The following EBF2 variants were observed in gnomAD, a reference collection of about 807,000 sequenced individuals.
EBF2 encodes transcription factor COE2.
A neutral mutation model predicts 72.8 loss-of-function variants in EBF2; 21 were observed. The ratio of observed to expected loss-of-function variants is 0.29; its 90% CI spans 0.20 to 0.42. The LOEUF is 0.42. Among genes scored for constraint, EBF2 ranks in the 10% least tolerant of loss-of-function variants. The pLI is 1.00. For synonymous variants in EBF2, 299 were observed against 274.2 expected (o/e 1.09, Z -0.89); for missense variants, 637 against 731.2 (o/e 0.87, Z 1.49).
chr8:26,040,858 A>T, intron 3 of EBF2, 81 bp downstream of exon 3: 1 of 1,588,452 alleles, frequency 6.3e-7, no homozygotes, highest in South Asian at 1.1e-5. Flanking sequence ...GATCCCTGAG[A>T]GTGATCATGG....
intron 6 of EBF2, among the ~76,000 whole-genome samples, chr8:25,927,600 G>C (rs181688239): frequency 8.5e-5 from 13 of 152,160 alleles, no homozygotes; most frequent in African/African-American, 2.9e-4. Flanking sequence ...GGCAACTCCT[G>C]CTGGAGTTCC....
intron 6 of EBF2, among the ~76,000 whole-genome samples, chr8:25,959,756 C>A (rs1273786706): frequency 6.6e-6 from 1 of 152,108 alleles, no homozygotes; most frequent in African/African-American, 2.4e-5. Flanking sequence ...GGTTTCATTG[C>A]CTAGAATTAC....
intron 6 of EBF2, among the ~76,000 whole-genome samples, chr8:25,923,600 T>C (rs1313243734): frequency 6.6e-6 from 1 of 152,216 alleles, no homozygotes; most frequent in Admixed American, 6.5e-5. Flanking sequence ...TTGTTGTTTG[T>C]TTTGCAATAC....
intron 14 of EBF2, among the ~76,000 whole-genome samples, chr8:25,851,422 T>A (rs947025418): frequency 6.6e-6 from 1 of 152,086 alleles, no homozygotes; most frequent in Admixed American, 6.6e-5. Flanking sequence ...ATTAGTGATA[T>A]TAACATTAAA....
At position 26,017,085 on chromosome 8, in the gene EBF2, T is replaced by C. The variant is rs546012898; in HGVS notation, c.551+16000A>G. 8.9e-4 allele frequency among the ~76,000 whole-genome samples: 135 copies of C among 152,026 alleles called. 1 individual carries two copies. Among genetic ancestry groups the C allele is most frequent in the African/African-American group, 3.2e-3 (133 of 41,450 alleles). On this transcript the variant is annotated intron_variant, in intron 6 of 15. Coordinates refer to ENST00000520164, the MANE Select transcript of EBF2 (RefSeq NM_022659.4). Reference sequence around the variant, plus strand: ...TTCCCCAAGGACCTTTCCAGACTCATTGTCAGTATCTAATGCCTGTACACT... The same window carrying C: ...TTCCCCAAGGACCTTTCCAGACTCACTGTCAGTATCTAATGCCTGTACACT...
intron 5 of EBF2, among the ~76,000 whole-genome samples, chr8:26,035,216 C>T (rs1805479781): frequency 6.6e-6 from 1 of 151,724 alleles, no homozygotes; most frequent in Admixed American, 6.6e-5. Context: ...GATCATGACT[C>T]ACTGCAGTCT....
At chr8:26,002,908 G>A (rs62499121) in intron 6 of EBF2, among the ~76,000 whole-genome samples, 3 of 5,534 alleles carry the variant, frequency 5.4e-4, no homozygotes, top group South Asian at 6.5e-3. Flanking sequence ...GCGGGCAGGC[G>A]GGCAGGCGGG....
chr8:26,003,845 C>A (rs1020906656), intron 6 of EBF2, among the ~76,000 whole-genome samples: 1 of 152,170 alleles, frequency 6.6e-6, no homozygotes. Flanking sequence ...CCTGAAAAAT[C>A]ACCTCTCTGG....
chr8:25,885,460 C>A (rs1184319608), intron 10 of EBF2, among the ~76,000 whole-genome samples: 8 of 152,186 alleles, frequency 5.3e-5, no homozygotes, highest in Non-Finnish European at 1.2e-4. Context: ...ATGAATTTGA[C>A]TACTGTATGT....
intron 6 of EBF2, among the ~76,000 whole-genome samples, chr8:25,967,307 T>A (rs17054703): frequency 0.026 from 4,033 of 152,308 alleles, 53 homozygotes; most frequent in Middle Eastern, 0.095. Flanking sequence ...GGGTAGAGAA[T>A]TGGATCCATG....
At position 26,043,819 on chromosome 8, in the gene EBF2, C is replaced by A. The variant is rs535116505; in HGVS notation, c.131+910G>T. 1.2e-3 allele frequency among the ~76,000 whole-genome samples: 179 copies of A among 152,244 alleles called. 1 individual carries two copies. The highest frequency in any genetic ancestry group is 4.2e-3 in the African/African-American group (174 of 41,538). The stretch of plus-strand genomic sequence containing the variant: ...TTGGGGGTAGAAGGGCTGCCTCTCT[C>A]GCAGACAAGGACCTGGAGGCCACAA... On this transcript the variant is annotated intron_variant, in intron 1 of 15. Transcript: ENST00000520164.
intron 6 of EBF2, among the ~76,000 whole-genome samples, chr8:25,993,419 T>C (rs1238738167): frequency 6.6e-6 from 1 of 152,206 alleles, no homozygotes; most frequent in South Asian, 2.1e-4. Context: ...AGAGGCAACA[T>C]AAAGGAAAGA....
At chr8:26,012,675 T>A (rs1805045043) in intron 6 of EBF2, among the ~76,000 whole-genome samples, 1 of 152,244 alleles carries the variant, frequency 6.6e-6, no homozygotes, top group African/African-American at 2.4e-5. Flanking sequence ...ATGCATTCTC[T>A]GCCTCTAAGA....
At chr8:26,002,350 A>T (rs372093852) in intron 6 of EBF2, among the ~76,000 whole-genome samples, 1 of 152,166 alleles carries the variant, frequency 6.6e-6, no homozygotes, top group African/African-American at 2.4e-5. Context: ...TTGATGAACT[A>T]CTTTGTCATC....
intron 6 of EBF2, among the ~76,000 whole-genome samples, chr8:25,961,903 T>A (rs1219020728): frequency 6.6e-6 from 1 of 152,172 alleles, no homozygotes; most frequent in Admixed American, 6.5e-5. Flanking sequence ...GTTAATAAAA[T>A]TATCTTTCTG....
At chr8:25,967,135 G>A (rs893637763) in intron 6 of EBF2, among the ~76,000 whole-genome samples, 1 of 152,214 alleles carries the variant, frequency 6.6e-6, no homozygotes, top group Non-Finnish European at 1.5e-5. Flanking sequence ...AACTAATGGT[G>A]CACACAGCAT....
chr8:25,856,125 C>G (rs1802084538), intron 14 of EBF2, among the ~76,000 whole-genome samples: 1 of 152,220 alleles, frequency 6.6e-6, no homozygotes, highest in African/African-American at 2.4e-5. Flanking sequence ...AAATTCACAC[C>G]TAACTGTGCA....
chr8:26,000,671 A>G (rs1186339675), intron 6 of EBF2, among the ~76,000 whole-genome samples: 8 of 152,198 alleles, frequency 5.3e-5, no homozygotes, highest in African/African-American at 1.4e-4. Context: ...TGTCATATGG[A>G]AACACCTGGG....
chr8:25,946,601 C>T (rs1380974675), intron 6 of EBF2, among the ~76,000 whole-genome samples: 1 of 152,238 alleles, frequency 6.6e-6, no homozygotes, highest in East Asian at 1.9e-4. Context: ...TACTCCTAAA[C>T]TATCCTCATT....
Sources: gnomAD v4.1 joint callset for allele counts (sites outside exome capture counted in the v4.1 genomes callset) on GRCh38, gnomAD v4.1.1 for gene constraint, MANE v1.5 for transcripts, NCBI Gene and HGNC (gene_info 2026-07-23, HGNC 2026-07-21) for gene names.